Variants in PHACTR3 observed in about 807,000 individuals in gnomAD.
PHACTR3 encodes phosphatase and actin regulator 3, also known as protein phosphatase 1, regulatory subunit 123.
A neutral mutation model predicts 66.8 loss-of-function variants in PHACTR3; 16 were observed. That is an observed-to-expected ratio of 0.24 (90% confidence interval 0.16 to 0.36). PHACTR3 has a LOEUF of 0.36. Among genes scored for constraint, PHACTR3 ranks in the 10% least tolerant of loss-of-function variants. The pLI, the probability that PHACTR3 is intolerant of heterozygous loss-of-function variation, is 1.00. For synonymous variants in PHACTR3, 323 were observed against 292.1 expected (o/e 1.11, Z -1.08); for missense variants, 647 against 719.9 (o/e 0.90, Z 1.16).
chr20:59,787,660 C>A (rs2040957882), intron 7 of PHACTR3, among the ~76,000 whole-genome samples: 1 of 152,204 alleles, frequency 6.6e-6, no homozygotes. Flanking sequence ...TTAGACAGCC[C>A]CTCTGGCCAG....
At chr20:59,598,084 G>C (rs1281009317) in intron 1 of PHACTR3, among the ~76,000 whole-genome samples, 2 of 152,210 alleles carry the variant, frequency 1.3e-5, no homozygotes, top group Non-Finnish European at 2.9e-5. Flanking sequence ...AGATGGGTCA[G>C]TGGCCCATGA....
At chr20:59,792,509 G>C (rs2041134368) in intron 7 of PHACTR3, among the ~76,000 whole-genome samples, 1 of 152,208 alleles carries the variant, frequency 6.6e-6, no homozygotes, top group African/African-American at 2.4e-5. Context: ...TTAATTTCAT[G>C]TAAAGAACTC....
At chr20:59,835,208 G>GC (rs2042490414) in intron 8 of PHACTR3, among the ~76,000 whole-genome samples, 1 of 152,172 alleles carries the variant, frequency 6.6e-6, no homozygotes, top group South Asian at 2.1e-4. Context: ...GACTGCAAAA[G>GC]CAACACTTAA....
At chr20:59,835,374 C>T (rs2042497558) in intron 8 of PHACTR3, among the ~76,000 whole-genome samples, 1 of 152,276 alleles carries the variant, frequency 6.6e-6, no homozygotes, top group Non-Finnish European at 1.5e-5. Flanking sequence ...AGCAGAACCA[C>T]AAAGGGTTGT....
intron 4 of PHACTR3, among the ~76,000 whole-genome samples, chr20:59,763,477 G>A (rs1192749919): frequency 1.3e-5 from 2 of 152,180 alleles, no homozygotes; most frequent in Non-Finnish European, 1.5e-5. Context: ...TTGCAAGATG[G>A]GTTGATGGTT....
chr20:59,724,988 A>G (rs1170017553), intron 1 of PHACTR3, among the ~76,000 whole-genome samples: 1 of 151,236 alleles, frequency 6.6e-6, no homozygotes, highest in Non-Finnish European at 1.5e-5. Context: ...CTGTGAGCCC[A>G]GGTGGGTTTG....
intron 1 of PHACTR3, among the ~76,000 whole-genome samples, chr20:59,722,285 G>A (rs1213303614): frequency 1.4e-5 from 2 of 141,468 alleles, no homozygotes; most frequent in African/African-American, 5.0e-5. Flanking sequence ...GAAGGTACAG[G>A]AAGCCACTAC....
chr20:59,841,641 A>G, intron 11 of PHACTR3, 106 bp downstream of exon 11: 1 of 1,188,324 alleles, frequency 8.4e-7, no homozygotes, highest in Non-Finnish European at 1.2e-6. Context: ...TCAACTATTT[A>G]AGGGTATACT....
intron 1 of PHACTR3, among the ~76,000 whole-genome samples, chr20:59,639,450 C>A (rs550782921): frequency 6.6e-6 from 1 of 152,212 alleles, no homozygotes; most frequent in South Asian, 2.1e-4. Flanking sequence ...CACAAAGTTC[C>A]AAGAGGGGAC....
chr20:59,684,281 A>G (rs1417720882), intron 1 of PHACTR3, among the ~76,000 whole-genome samples: 2 of 152,054 alleles, frequency 1.3e-5, no homozygotes, highest in East Asian at 3.8e-4. Flanking sequence ...CCTTTTTGAC[A>G]TTATAGGCTT....
chr20:59,668,394 A>C (rs2036070565), intron 1 of PHACTR3, among the ~76,000 whole-genome samples: 1 of 151,952 alleles, frequency 6.6e-6, no homozygotes, highest in South Asian at 2.1e-4. Context: ...TTAGAGGTGG[A>C]CATGTACACC....
intron 1 of PHACTR3, among the ~76,000 whole-genome samples, chr20:59,702,414 T>A (rs973694077): frequency 6.6e-6 from 1 of 152,188 alleles, no homozygotes; most frequent in South Asian, 2.1e-4. Flanking sequence ...TCACCCCAAG[T>A]CTTCTCACAT....
chr20:59,665,925 G>A (rs544938772), intron 1 of PHACTR3, among the ~76,000 whole-genome samples: 17 of 152,298 alleles, frequency 1.1e-4, no homozygotes, highest in South Asian at 1.0e-3. Flanking sequence ...AGTCCCCTCC[G>A]TGGGCATTGG....
At chr20:59,787,531 G>T (rs2040953554) in intron 7 of PHACTR3, among the ~76,000 whole-genome samples, 1 of 152,220 alleles carries the variant, frequency 6.6e-6, no homozygotes, top group Non-Finnish European at 1.5e-5. Flanking sequence ...TTTATATAAA[G>T]AAAATGCACA....
chr20:59,580,566 GTT>G (rs10690263), intron 1 of PHACTR3, among the ~76,000 whole-genome samples: 1 of 147,202 alleles, frequency 6.8e-6, no homozygotes, highest in African/African-American at 2.5e-5. Context: ...CACTAAATGA[GTT>G]TTTTTTTTTT....
chr20:59,602,014 G>A (rs1194724781), upstream of PHACTR3, among the ~76,000 whole-genome samples: 2 of 152,170 alleles, frequency 1.3e-5, no homozygotes, highest in East Asian at 1.9e-4. Flanking sequence ...ATAATTTTTG[G>A]TGGTGCACGG....
intron 1 of PHACTR3, among the ~76,000 whole-genome samples, chr20:59,650,176 A>G (rs892678946): frequency 8.5e-5 from 13 of 152,200 alleles, no homozygotes; most frequent in African/African-American, 3.1e-4. Flanking sequence ...GCAGAACTAT[A>G]AATTCAAAAA....
At chr20:59,835,756 A>C (rs1357943710) in intron 8 of PHACTR3, 1 of 152,198 alleles carries the variant, frequency 6.6e-6, no homozygotes, top group Non-Finnish European at 1.5e-5. Context: ...CCACTTGAAA[A>C]AGAAATAATA....
At chr20:59,792,953 C>T (rs1474572159) in intron 7 of PHACTR3, among the ~76,000 whole-genome samples, 2 of 152,162 alleles carry the variant, frequency 1.3e-5, no homozygotes, top group Admixed American at 1.3e-4. Context: ...GGTATAACCA[C>T]AGCTCACTGA....
Sources: gnomAD v4.1 joint callset for allele counts (sites outside exome capture counted in the v4.1 genomes callset) on GRCh38, gnomAD v4.1.1 for gene constraint, MANE v1.5 for transcripts, NCBI Gene and HGNC (gene_info 2026-07-23, HGNC 2026-07-21) for gene names.